Variants in CCSER1 observed in about 807,000 individuals in gnomAD.
CCSER1 encodes coiled-coil serine rich protein 1, also known as serine-rich coiled-coil domain-containing protein 1.
A neutral mutation model predicts 82.0 loss-of-function variants in CCSER1; 41 were observed. That is an observed-to-expected ratio of 0.50 (90% CI 0.39 to 0.65). The LOEUF (loss-of-function observed/expected upper bound fraction) is 0.65. CCSER1 is among the 30% of genes least tolerant of loss of function. The pLI is 0.00. For synonymous variants in CCSER1, 414 were observed against 383.9 expected (o/e 1.08, Z -0.92); for missense variants, 1,119 against 1,064.2 (o/e 1.05, Z -0.72).
intron 9 of CCSER1, among the ~76,000 whole-genome samples, chr4:91,053,264 G>A (rs542999786): frequency 2.6e-5 from 4 of 152,060 alleles, no homozygotes; most frequent in African/African-American, 4.8e-5. Flanking sequence ...GCAACAACAG[G>A]ACAACTCTTT....
At position 91,098,544 on chromosome 4, in the gene CCSER1, AT is replaced by A. The variant is rs1273556605; in HGVS notation, c.2217+12565del. Among the ~76,000 whole-genome samples the A allele has an allele frequency of 5.1e-3, 745 of 145,276 alleles. 1 individual carries two copies. Among genetic ancestry groups the A allele is most frequent in the African/African-American group, 9.4e-3 (370 of 39,518 alleles). On this transcript the variant is annotated intron_variant, in intron 10 of 10. Coordinates refer to ENST00000509176, the MANE Select transcript of CCSER1 (RefSeq NM_001145065.2). ...CTTGCCCAAAAGATCACTGGAGATAATTTTTTTTTTTTTTTGAGATGGAGTC... is the reference window on the plus strand; with the variant it reads ...CTTGCCCAAAAGATCACTGGAGATAATTTTTTTTTTTTTTGAGATGGAGTC...
chr4:90,280,869 T>G (rs889067537), intron 1 of CCSER1, among the ~76,000 whole-genome samples: 5 of 152,008 alleles, frequency 3.3e-5, no homozygotes, highest in Admixed American at 1.3e-4. Flanking sequence ...CAGCTTAGAT[T>G]ATTATTTTAG....
intron 10 of CCSER1, among the ~76,000 whole-genome samples, chr4:91,273,224 C>T (rs757287491): frequency 7.9e-5 from 12 of 152,190 alleles, no homozygotes; most frequent in East Asian, 1.9e-4. Context: ...TCTACCCATC[C>T]GTGAGCATAG....
At chr4:90,733,996 T>C (rs1745219945) in intron 7 of CCSER1, among the ~76,000 whole-genome samples, 1 of 152,136 alleles carries the variant, frequency 6.6e-6, no homozygotes, top group African/African-American at 2.4e-5. Flanking sequence ...AGGATAGCTT[T>C]GGCTATTCTG....
chr4:91,120,365 G>C (rs1017892432), intron 10 of CCSER1, among the ~76,000 whole-genome samples: 1 of 151,884 alleles, frequency 6.6e-6, no homozygotes, highest in Admixed American at 6.6e-5. Flanking sequence ...TCAGCATCAT[G>C]ATGATGATGG....
rs188643702 is a variant in CCSER1, at chr4:90,745,787, T to C, written c.2010+21796T>C. On this transcript the variant is annotated intron_variant, in intron 7 of 10. Transcript: ENST00000509176. Reference sequence around the variant, plus strand: ...TCACTGCAAGCTCCGCCTCCTGGGCTCACGCCATTCTCCTGCCTCAGGCTC... The same window carrying C: ...TCACTGCAAGCTCCGCCTCCTGGGCCCACGCCATTCTCCTGCCTCAGGCTC... Among the ~76,000 whole-genome samples, 463 of 143,434 alleles carry C rather than the reference T, an allele frequency of 3.2e-3. 3 individuals are homozygous for C. Among genetic ancestry groups the C allele is most frequent in the Non-Finnish European group, 5.9e-3 (391 of 66,482 alleles). The allele number at this position is 143,434 out of a possible 152,430, so 94.1% of individuals were successfully genotyped here.
intron 10 of CCSER1, among the ~76,000 whole-genome samples, chr4:91,566,530 G>C (rs971333309): frequency 6.6e-6 from 1 of 151,944 alleles, no homozygotes; most frequent in South Asian, 2.1e-4. Flanking sequence ...GGCTTTATTT[G>C]GCTGGTAGGC....
At chr4:90,642,808 T>C (rs1207220438) in intron 6 of CCSER1, among the ~76,000 whole-genome samples, 1 of 152,118 alleles carries the variant, frequency 6.6e-6, no homozygotes, top group African/African-American at 2.4e-5. Context: ...TAAGGTGTGA[T>C]TGTGCCATTG....
intron 9 of CCSER1, among the ~76,000 whole-genome samples, chr4:90,936,297 T>A (rs534684233): frequency 1.3e-5 from 2 of 152,066 alleles, no homozygotes; most frequent in South Asian, 4.1e-4. Context: ...ATTTTGTAAC[T>A]GATTTTCCTA....
At chr4:91,348,273 G>T (rs1003970888) in intron 10 of CCSER1, among the ~76,000 whole-genome samples, 1 of 152,020 alleles carries the variant, frequency 6.6e-6, no homozygotes, top group Admixed American at 6.6e-5. Context: ...TGATGTGAGG[G>T]ATTATAGTAA....
At chr4:91,223,682 G>T (rs979971507) in intron 10 of CCSER1, among the ~76,000 whole-genome samples, 1 of 152,078 alleles carries the variant, frequency 6.6e-6, no homozygotes, top group African/African-American at 2.4e-5. Context: ...ATGGTGGGAA[G>T]ATTTGAGAAG....
chr4:90,762,890 C>T (rs1374743165), intron 7 of CCSER1, among the ~76,000 whole-genome samples: 1 of 151,892 alleles, frequency 6.6e-6, no homozygotes, highest in Non-Finnish European at 1.5e-5. Context: ...CTAAATGCAA[C>T]CACAAGTAAG....
chr4:90,230,953 C>T (rs1223813718), intron 1 of CCSER1, among the ~76,000 whole-genome samples: 1 of 152,132 alleles, frequency 6.6e-6, no homozygotes, highest in African/African-American at 2.4e-5. Flanking sequence ...AGACCAATAA[C>T]AGGATCTGAA....
chr4:91,002,369 T>G (rs1270152991), intron 9 of CCSER1, among the ~76,000 whole-genome samples: 2 of 152,336 alleles, frequency 1.3e-5, no homozygotes, highest in Admixed American at 1.3e-4. Flanking sequence ...ACATTTCCCT[T>G]CTTCCTCAGG....
intron 9 of CCSER1, among the ~76,000 whole-genome samples, chr4:91,082,572 A>T (rs1201170627): frequency 6.6e-6 from 1 of 152,184 alleles, no homozygotes; most frequent in Non-Finnish European, 1.5e-5. Context: ...GATCTAATTA[A>T]ACTAAAGAGC....
chr4:90,879,168 G>A (rs1046152115), intron 8 of CCSER1, among the ~76,000 whole-genome samples: 1 of 152,092 alleles, frequency 6.6e-6, no homozygotes, highest in African/African-American at 2.4e-5. Flanking sequence ...CAGTCTTTAA[G>A]TTCTGAGATT....
chr4:90,571,418 C>T (rs572741037), intron 5 of CCSER1, among the ~76,000 whole-genome samples: 2 of 152,254 alleles, frequency 1.3e-5, no homozygotes, highest in South Asian at 2.1e-4. Flanking sequence ...AATGAAATCA[C>T]GTCAATCATG....
chr4:91,248,265 G>A (rs534862214), intron 10 of CCSER1, among the ~76,000 whole-genome samples: 3 of 152,130 alleles, frequency 2.0e-5, no homozygotes, highest in Non-Finnish European at 4.4e-5. Context: ...ATTTATTTAG[G>A]TATTTATCCC....
At chr4:91,575,862 A>G (rs763020040) in intron 10 of CCSER1, among the ~76,000 whole-genome samples, 6 of 151,994 alleles carry the variant, frequency 3.9e-5, no homozygotes, top group Non-Finnish European at 8.8e-5. Flanking sequence ...AAGGGTTGGA[A>G]GGGGTGTAGA....
Sources: allele counts gnomAD v4.1 joint callset (sites outside exome capture counted in the v4.1 genomes callset), GRCh38; gene constraint gnomAD v4.1.1; transcripts MANE v1.5; gene names NCBI Gene and HGNC (gene_info 2026-07-23, HGNC 2026-07-21).